CAMTA2: variants seen among roughly 807,000 people sequenced by gnomAD.
The protein encoded by CAMTA2 is calmodulin binding transcription activator 2, also known as calmodulin-binding transcription activator 2.
CAMTA2 carries 56 observed loss-of-function variants against 135.7 expected under a neutral mutation model. That is an observed-to-expected ratio of 0.41 (90% confidence interval 0.33 to 0.52). The LOEUF (loss-of-function observed/expected upper bound fraction) is 0.52, where lower values mean the gene tolerates loss of function less well. CAMTA2 is among the 20% of genes least tolerant of loss of function. The pLI, the probability that CAMTA2 is intolerant of heterozygous loss-of-function variation, is 0.16. For synonymous variants in CAMTA2, 591 were observed against 604.6 expected (o/e 0.98, Z 0.33); for missense variants, 1,358 against 1,553.4 (o/e 0.87, Z 2.11).
chr17:4,968,846 G>A (rs1230197148), intron 22 of CAMTA2, 27 bp from the exon 23 acceptor site: 1 of 1,612,934 alleles, frequency 6.2e-7, no homozygotes, highest in Non-Finnish European at 8.5e-7. Flanking sequence ...AGGAGTCAGA[G>A]GAGACTGGCG....
intron 1 of CAMTA2, chr17:4,987,319 C>T (rs960903138): frequency 9.7e-6 from 13 of 1,343,908 alleles, no homozygotes; most frequent in Non-Finnish European, 1.0e-5. Flanking sequence ...CTGGAGAAGC[C>T]GGGAGCAGAG....
In CAMTA2 at chr17:4,979,677, G is replaced by T. The variant is rs1329845981; in HGVS notation, c.1638+7C>A. 6.3e-7 allele frequency: 1 copy of T among 1,597,966 alleles called. No individual in the cohort carries two copies. The highest frequency in any genetic ancestry group is 1.7e-5 in the Admixed American group (1 of 59,538). On this transcript the variant is annotated splice_region_variant and intron_variant, in intron 9 of 22. Transcript: ENST00000348066. ...GGGAGGAGGGAGGAGGTAAGCCTGA[G>T]TCTCACCTCTGGGTAGGACCACTCT...
chr17:4,983,356 C>G (rs1159523958), intron 3 of CAMTA2: 4 of 258,128 alleles, frequency 1.5e-5, no homozygotes, highest in Non-Finnish European at 3.1e-5. Context: ...GATCTCAGCT[C>G]ACTGCAACCT....
intron 1 of CAMTA2, chr17:4,987,088 A>G (rs1022292520): frequency 1.4e-6 from 2 of 1,383,966 alleles, no homozygotes; most frequent in Admixed American, 3.5e-5. Context: ...GGGCTCGGCT[A>G]TGTGCAGTGA....
Position 4,972,835 on chromosome 17 carries a change from G to C in CAMTA2, c.2437C>G (p.Gln813Glu), listed in dbSNP as rs777470043. 6.2e-6 allele frequency: 10 copies of C among 1,613,814 alleles called. No individual in the cohort carries two copies. The African/African-American group carries it at 6.7e-5, about 11-fold the overall frequency. ...GGCTCCACCGAAGGCTCCTGTCTCTGTAGTTCCTCAAGGCAGCGGGCAAGG... is the reference window on the plus strand; with the variant it reads ...GGCTCCACCGAAGGCTCCTGTCTCTCTAGTTCCTCAAGGCAGCGGGCAAGG... ...VRLARCLEEL[Q>E]RQEPSVEPPF... The change falls in exon 15 of 23, where the codon CAG becomes GAG. Residue 813 changes from glutamine to glutamate, a missense_variant. Gln to Glu is a conservative substitution (Grantham distance 29). This residue lies in a region of CAMTA2 where 1,077 missense variants were observed against 1,127.5 expected (regional missense o/e 0.96). Coordinates refer to ENST00000348066, the MANE Select transcript of CAMTA2 (RefSeq NM_015099.4).
intron 8 of CAMTA2, 86 bp downstream of exon 8, chr17:4,981,139 T>C: frequency 1.3e-6 from 2 of 1,483,760 alleles, no homozygotes; most frequent in Non-Finnish European, 1.8e-6. Context: ...AGCATGCAAA[T>C]CCCATCAAGA....
intron 1 of CAMTA2, chr17:4,986,705 G>A (rs1187948697): frequency 9.1e-6 from 5 of 549,918 alleles, no homozygotes; most frequent in Non-Finnish European, 1.6e-5. Context: ...TCTACCTCCG[G>A]TAGAAGCTAG....
chr17:4,972,714 C>A, intron 15 of CAMTA2, 55 bp downstream of exon 15: 1 of 1,555,808 alleles, frequency 6.4e-7, no homozygotes, highest in South Asian at 1.1e-5. Flanking sequence ...TGGCTTTGTC[C>A]TGGCCTATCC....
Position 4,985,927 on chromosome 17 carries a change from G to A in CAMTA2, c.88C>T (p.Arg30Cys). The change falls in exon 3 of 23, where the codon CGC becomes TGC. Residue 30 changes from arginine (R) to cysteine (C), a missense_variant. Transcript: ENST00000348066. ...CTCTCTGGAGGCAGCAGCGGGCAGC[G>A]AGGAAGACACTCCAGCAGCTTCTTG... ...LPKKLLECLP[R>C]CPLLPPERLR... 1 of 1,614,052 alleles carries A rather than the reference G, an allele frequency of 6.2e-7. No homozygotes were observed. Among genetic ancestry groups the A allele is most frequent in the Non-Finnish European group, 8.5e-7 (1 of 1,179,950 alleles).
rs1292443050 is a variant in CAMTA2 at position 4,980,923 on chromosome 17, C to G, written c.700+302G>C. Among the ~76,000 whole-genome samples, 3 of 151,974 alleles carry G rather than the reference C, an allele frequency of 2.0e-5. No individual in the cohort carries two copies. Among genetic ancestry groups the G allele is most frequent in the Non-Finnish European group, 4.4e-5 (3 of 67,978 alleles). ...TAGGAAAAGGACAAAAGAACAGAAC[C>G]AAGGGGGTGCCAACTAGGAGGAAGG... On this transcript the variant is annotated intron_variant, in intron 8 of 22. Coordinates refer to ENST00000348066, the MANE Select transcript of CAMTA2 (RefSeq NM_015099.4). This position sits in a 1 kb window ranked among gnomAD's most constrained non-coding sequence, Gnocchi z 5.3.
chr17:4,970,424 CCT>C lies in CAMTA2; in HGVS notation c.2919_2920del (p.Ala975CysfsTer5). 3.7e-6 allele frequency: 6 copies of C among 1,614,216 alleles called. No homozygotes were observed. Among genetic ancestry groups the C allele is most frequent in the South Asian group, 1.1e-5 (1 of 91,082 alleles). On this transcript the variant is annotated frameshift_variant, in exon 17 of 23. Transcript: ENST00000348066. LOFTEE classifies it high-confidence loss of function. Reference sequence around the variant, plus strand: ...CATGGTCTCACTGAGCCCCACAGCCCCTGTCCGCTCCCGCATTGAGGCTCCAG... The same window carrying C: ...CATGGTCTCACTGAGCCCCACAGCCCGTCCGCTCCCGCATTGAGGCTCCAG...
intron 5 of CAMTA2, chr17:4,982,368 C>A: frequency 3.3e-6 from 2 of 597,814 alleles, no homozygotes; most frequent in Non-Finnish European, 6.0e-6. Flanking sequence ...ATAGTGAGGA[C>A]CAGATTTGAG....
In CAMTA2 at chr17:4,980,475, G is replaced by A. The variant is rs766585934; in HGVS notation, c.847C>T (p.Leu283Phe). ...GATGGGGAGGTGTGTGCCTTGGGGAGCTCTGGGGGAAGTGGGGCTATCAGT... is the reference window on the plus strand; with the variant it reads ...GATGGGGAGGTGTGTGCCTTGGGGAACTCTGGGGGAAGTGGGGCTATCAGT... ...PPLIAPLPPE[L>F]PKAHTSPSSS... The change falls in exon 9 of 23, where the codon CTC becomes TTC. Residue 283 changes from leucine (L) to phenylalanine (F), a missense_variant. Around this residue, in one of 4 missense-constraint regions of CAMTA2, gnomAD observed 1,077 missense variants for 1,127.5 expected, o/e 0.96. Coordinates refer to ENST00000348066, the MANE Select transcript of CAMTA2 (RefSeq NM_015099.4). This position sits in a 1 kb window ranked among gnomAD's most constrained non-coding sequence, Gnocchi z 5.3. 2 of 1,612,688 alleles carry A rather than the reference G, an allele frequency of 1.2e-6. No individual in the cohort carries two copies. Among genetic ancestry groups the A allele is most frequent in the East Asian group, 4.5e-5 (2 of 44,796 alleles).
At position 4,969,318 on chromosome 17, in the gene CAMTA2, ATCT is replaced by A. The variant is rs748942126; in HGVS notation, c.3299_3301del (p.Lys1100del). The A allele has an allele frequency of 6.2e-7, 1 of 1,613,974 alleles. No individual in the cohort carries two copies. Among genetic ancestry groups the A allele is most frequent in the Non-Finnish European group, 8.5e-7 (1 of 1,179,954 alleles). On this transcript the variant is annotated inframe_deletion, in exon 21 of 23. Coordinates refer to ENST00000348066, the MANE Select transcript of CAMTA2 (RefSeq NM_015099.4). This position sits in a 1 kb window ranked among gnomAD's most constrained non-coding sequence, Gnocchi z 5.6. ...CTGGATCAGGATGGCCGCCTGGGTC[ATCT>A]TCTTATAGAGTGCAAACTGCAGGGG...
chr17:4,973,361 G>A, intron 13 of CAMTA2, 108 bp from the exon 14 acceptor site: 1 of 968,472 alleles, frequency 1.0e-6, no homozygotes, highest in African/African-American at 1.6e-5. Context: ...GGGCCGGTGG[G>A]AAGAGGCAGT....
chr17:4,986,844 C>A, intron 1 of CAMTA2: 2 of 848,882 alleles, frequency 2.4e-6, no homozygotes, highest in Non-Finnish European at 3.8e-6. Flanking sequence ...CTGGGCCAGA[C>A]ACCCAGATTC....
At chr17:4,987,264 G>A (rs904744026) in intron 1 of CAMTA2, 9 of 1,343,972 alleles carry the variant, frequency 6.7e-6, no homozygotes, top group Non-Finnish European at 5.7e-6. Flanking sequence ...GTGGTCCCAG[G>A]AGAACCTCCG....
chr17:4,976,467 G>A (rs985507928), intron 11 of CAMTA2, among the ~76,000 whole-genome samples: 6 of 152,144 alleles, frequency 3.9e-5, no homozygotes, highest in African/African-American at 1.4e-4. Flanking sequence ...GGTAGACCAA[G>A]GCGGGGTGGA....
intron 6 of CAMTA2, 68 bp from the exon 7 acceptor site, chr17:4,981,899 C>T (rs1371340106): frequency 2.0e-5 from 29 of 1,483,246 alleles, no homozygotes; most frequent in Non-Finnish European, 2.6e-5. Flanking sequence ...TCCTAATCCT[C>T]ACTTTCTTCC....
Sources: allele counts gnomAD v4.1 joint callset (sites outside exome capture counted in the v4.1 genomes callset), GRCh38; gene constraint gnomAD v4.1.1; regional missense constraint gnomAD v4.1.1; non-coding constraint Gnocchi (gnomAD v3.1); transcripts MANE v1.5; gene names NCBI Gene and HGNC (gene_info 2026-07-23, HGNC 2026-07-21).